The following IDE variants were observed in gnomAD, a reference collection of about 807,000 sequenced individuals.
IDE encodes insulin degrading enzyme.
In IDE, 58 loss-of-function variants were observed where a neutral mutation model predicts 133.2. That is an observed-to-expected ratio of 0.44 (90% CI 0.35 to 0.54). The LOEUF (loss-of-function observed/expected upper bound fraction) is 0.54. IDE is among the 20% of genes least tolerant of loss of function. The pLI, the probability that IDE is intolerant of heterozygous loss-of-function variation, is 0.00. For synonymous variants in IDE, 396 were observed against 421.3 expected (o/e 0.94, Z 0.73); for missense variants, 981 against 1,234.0 (o/e 0.79, Z 3.07).
rs777705908 is a variant in IDE at position 92,475,867 on chromosome 10, G to A, written c.1995+17C>T. On this transcript the variant is annotated intron_variant, in intron 16 of 24. Coordinates refer to ENST00000265986, the MANE Select transcript of IDE (RefSeq NM_004969.4). ...ATATTATCTTATGAATAAAAAAGCA[G>A]GGTTCAGAAAACTTACTGCTTCTTT... 2 of 914,548 alleles carry A rather than the reference G, an allele frequency of 2.2e-6. No homozygotes were observed. The highest frequency in any genetic ancestry group is 3.2e-5 in the South Asian group (2 of 63,210). 56.7% of individuals were successfully genotyped at this position (914,548 alleles called of 1,614,324 possible).
Position 92,474,920 on chromosome 10 carries a change from G to A in IDE, c.2037C>T (p.His679=), listed in dbSNP as rs200320620. 1 of 1,612,760 alleles carries A rather than the reference G, an allele frequency of 6.2e-7. No individual in the cohort carries two copies. The highest frequency in any genetic ancestry group is 8.5e-7 in the Non-Finnish European group (1 of 1,178,828). ...AGCGGAGGTAGTACATGGCATGCTG[G>A]TGAGGCTGTTCAGCCCGGAAATTGT... ...SLNNFRAEQP[H]QHAMYYLRLL... is the part of the protein sequence containing the mutation. The change falls in exon 17 of 25, where the codon CAC becomes CAT. Residue 679 remains histidine, a synonymous_variant. Coordinates refer to ENST00000265986, the MANE Select transcript of IDE (RefSeq NM_004969.4).
At chr10:92,572,836 C>A in intron 1 of IDE, 1 of 968,122 alleles carries the variant, frequency 1.0e-6, no homozygotes, top group Non-Finnish European at 1.2e-6. Context: ...GCCATTCCTT[C>A]CAAAGCCAGC....
intron 22 of IDE, 64 bp downstream of exon 22, chr10:92,461,127 C>T (rs1490563181): frequency 2.1e-5 from 17 of 802,434 alleles, no homozygotes; most frequent in Non-Finnish European, 2.8e-5. Context: ...AGGTGTAGGC[C>T]GCCATACCCA....
intron 11 of IDE, among the ~76,000 whole-genome samples, chr10:92,503,545 T>C (rs1323147794): frequency 6.6e-6 from 1 of 152,076 alleles, no homozygotes; most frequent in Non-Finnish European, 1.5e-5. Context: ...TGACAATAGA[T>C]AGGCCAAGCC....
At chr10:92,533,867 T>C (rs1315929487) in intron 3 of IDE, among the ~76,000 whole-genome samples, 1 of 151,542 alleles carries the variant, frequency 6.6e-6, no homozygotes, top group African/African-American at 2.4e-5. Flanking sequence ...CTACTAAAAA[T>C]ACAAAATTAG....
intron 2 of IDE, among the ~76,000 whole-genome samples, chr10:92,536,577 A>G (rs1433819884): frequency 2.0e-5 from 3 of 151,504 alleles, no homozygotes; most frequent in Non-Finnish European, 1.5e-5. Context: ...ACGCGCCTGT[A>G]ATCCCAGCTA....
chr10:92,494,058 C>T (rs1489053014), intron 11 of IDE, among the ~76,000 whole-genome samples: 1 of 152,056 alleles, frequency 6.6e-6, no homozygotes, highest in African/African-American at 2.4e-5. Flanking sequence ...AGACCATCTG[C>T]CGAAAATCTA....
At chr10:92,550,650 CAAAAA>C (rs71028826) in intron 1 of IDE, among the ~76,000 whole-genome samples, 1 of 57,426 alleles carries the variant, frequency 1.7e-5, no homozygotes, top group East Asian at 4.4e-4. Flanking sequence ...GACTCCGTCT[CAAAAA>C]AAAAAAAAAA....
intron 14 of IDE, chr10:92,480,846 G>T: frequency 3.5e-6 from 2 of 572,716 alleles, no homozygotes; most frequent in African/African-American, 2.0e-5. Context: ...TTCCTGCCTC[G>T]GCTTCCCAAA....
intron 4 of IDE, among the ~76,000 whole-genome samples, chr10:92,517,905 G>T (rs1849012665): frequency 6.6e-6 from 1 of 152,140 alleles, no homozygotes; most frequent in South Asian, 2.1e-4. Flanking sequence ...GACAGAGTGA[G>T]ACTCTGTCTG....
At chr10:92,551,327 T>C (rs1842767541) in intron 1 of IDE, among the ~76,000 whole-genome samples, 1 of 152,136 alleles carries the variant, frequency 6.6e-6, no homozygotes, top group African/African-American at 2.4e-5. Context: ...CCCAGCACTT[T>C]GGGAGGCTAA....
chr10:92,501,500 T>C (rs1383545203), intron 11 of IDE, among the ~76,000 whole-genome samples: 4 of 144,960 alleles, frequency 2.8e-5, no homozygotes, highest in Admixed American at 2.8e-4. Context: ...TGAAACCCTG[T>C]CTCTACTAAA....
chr10:92,556,979 A>G (rs867137352), intron 1 of IDE, among the ~76,000 whole-genome samples: 3 of 152,070 alleles, frequency 2.0e-5, no homozygotes, highest in Admixed American at 6.6e-5. Context: ...TAAAACTTAA[A>G]CTTTAAATGG....
intron 19 of IDE, among the ~76,000 whole-genome samples, 198 bp from the exon 20 acceptor site, chr10:92,466,041 T>A (rs915261879): frequency 6.6e-6 from 1 of 152,004 alleles, no homozygotes; most frequent in African/African-American, 2.4e-5. Context: ...AACTTACTAA[T>A]TATAAATTGG....
chr10:92,553,761 A>G (rs757153276), intron 1 of IDE, among the ~76,000 whole-genome samples: 4 of 152,164 alleles, frequency 2.6e-5, no homozygotes, highest in African/African-American at 9.7e-5. Context: ...CTAGACACAT[A>G]CAACCTACCA....
chr10:92,538,347 G>T (rs1842125110), intron 1 of IDE, among the ~76,000 whole-genome samples: 1 of 152,194 alleles, frequency 6.6e-6, no homozygotes, highest in African/African-American at 2.4e-5. Flanking sequence ...TCAGAACATA[G>T]GGAACAACTC....
chr10:92,507,750 A>G, intron 8 of IDE, 84 bp from the exon 9 acceptor site: 2 of 810,932 alleles, frequency 2.5e-6, no homozygotes, highest in Admixed American at 3.7e-5. Context: ...AAAGTCAGAT[A>G]AGTGGAAGAT....
At chr10:92,510,649 T>A (rs1430960682) in intron 5 of IDE, among the ~76,000 whole-genome samples, 1 of 151,550 alleles carries the variant, frequency 6.6e-6, no homozygotes, top group Non-Finnish European at 1.5e-5. Flanking sequence ...ATCACATATA[T>A]GATATATATC....
chr10:92,567,202 T>C (rs1843596846), intron 1 of IDE, among the ~76,000 whole-genome samples: 1 of 152,198 alleles, frequency 6.6e-6, no homozygotes, highest in Non-Finnish European at 1.5e-5. Context: ...TCTCTTGGTA[T>C]GCCTTTGGAA....
Sources: allele counts gnomAD v4.1 joint callset (sites outside exome capture counted in the v4.1 genomes callset), GRCh38; gene constraint gnomAD v4.1.1; transcripts MANE v1.5; gene names NCBI Gene and HGNC (gene_info 2026-07-23, HGNC 2026-07-21).